SSBP2: variants seen among roughly 807,000 people sequenced by gnomAD.
SSBP2 encodes single stranded DNA binding protein 2.
A neutral mutation model predicts 61.8 loss-of-function variants in SSBP2; 17 were observed. The observed-to-expected ratio is 0.28, with a 90% CI of 0.19 to 0.41. The LOEUF is 0.41. Ranked by LOEUF, SSBP2 falls within the 10% of genes least tolerant of loss-of-function variation. The pLI is 1.00. For missense variants in SSBP2, 310 were observed against 458.7 expected (o/e 0.68, Z 2.96); for synonymous variants, 139 against 141.3 (o/e 0.98, Z 0.12).
At chr5:81,480,571 G>A (rs1180891233) in intron 6 of SSBP2, among the ~76,000 whole-genome samples, 1 of 152,112 alleles carries the variant, frequency 6.6e-6, no homozygotes, top group East Asian at 1.9e-4. Context: ...GGCTGGGATG[G>A]CTATGGCAAT....
At chr5:81,706,941 G>T (rs1440218082) in intron 1 of SSBP2, among the ~76,000 whole-genome samples, 1 of 152,148 alleles carries the variant, frequency 6.6e-6, no homozygotes, top group Non-Finnish European at 1.5e-5. Flanking sequence ...AGCCCCAAGA[G>T]AAGAGCTTAG....
At chr5:81,741,244 T>C (rs996363041) in intron 1 of SSBP2, among the ~76,000 whole-genome samples, 1 of 152,196 alleles carries the variant, frequency 6.6e-6, no homozygotes, top group South Asian at 2.1e-4. Context: ...AGACAAATAC[T>C]ATATGATCCC....
chr5:81,488,057 A>ATATATATATT, intron 6 of SSBP2, among the ~76,000 whole-genome samples: 1 of 63,238 alleles, frequency 1.6e-5, no homozygotes, highest in South Asian at 4.7e-4. Context: ...ATATATATAT[A>ATATATATATT]TAAATAAAAT....
intron 1 of SSBP2, among the ~76,000 whole-genome samples, chr5:81,749,748 C>T (rs753152595): frequency 6.6e-6 from 1 of 152,298 alleles, no homozygotes; most frequent in East Asian, 1.9e-4. Flanking sequence ...ATCACCGTTA[C>T]AAGTACACAA....
chr5:81,531,273 C>G (rs1309497612), intron 4 of SSBP2, among the ~76,000 whole-genome samples: 1 of 144,566 alleles, frequency 6.9e-6, no homozygotes, highest in African/African-American at 2.5e-5. Flanking sequence ...ATAATTTCAA[C>G]TGGAAGATTA....
In SSBP2 at chr5:81,597,068, A is replaced by ATT; in HGVS notation, c.282+18403_282+18404dup. 2.6e-5 allele frequency among the ~76,000 whole-genome samples: 4 copies of ATT among 152,104 alleles called. No homozygotes were observed. The South Asian group carries it at 8.3e-4, about 32-fold the overall frequency. ...TGTACAGGCAACCTGTTGGGAGAAAATTCAGGCAACCTGAATGGGAGAAAA... is the reference window on the plus strand; with the variant it reads ...TGTACAGGCAACCTGTTGGGAGAAAATTTTCAGGCAACCTGAATGGGAGAAAA... On this transcript the variant is annotated intron_variant, in intron 4 of 16. Coordinates refer to ENST00000320672, the MANE Select transcript of SSBP2 (RefSeq NM_012446.5).
chr5:81,622,758 G>A (rs1746729993), intron 3 of SSBP2, among the ~76,000 whole-genome samples: 1 of 152,134 alleles, frequency 6.6e-6, no homozygotes, highest in African/African-American at 2.4e-5. Context: ...AACCTTCAAA[G>A]ATTCATTTAG....
chr5:81,609,536 T>C (rs984924098), intron 4 of SSBP2, among the ~76,000 whole-genome samples: 2 of 152,182 alleles, frequency 1.3e-5, no homozygotes, highest in Admixed American at 6.5e-5. Context: ...GCACCTCCCA[T>C]AGCTTCAATC....
chr5:81,600,302 C>G (rs1744225162), intron 4 of SSBP2, among the ~76,000 whole-genome samples: 1 of 152,048 alleles, frequency 6.6e-6, no homozygotes, highest in African/African-American at 2.4e-5. Context: ...GTAGCTCACG[C>G]CTGTAATCCC....
In SSBP2 at chr5:81,501,212, AATATAT is replaced by A. The variant is rs1167504052; in HGVS notation, c.373-11909_373-11904del. ...GGTGACAGAGGGAGACTCCATCTCA[AATATAT>A]ATATATATATATATATATATATATA... On this transcript the variant is annotated intron_variant, in intron 5 of 16. Coordinates refer to ENST00000320672, the MANE Select transcript of SSBP2 (RefSeq NM_012446.5). Among the ~76,000 whole-genome samples the A allele has an allele frequency of 8.5e-3, 243 of 28,750 alleles. 4 individuals are homozygous for A. The highest frequency in any genetic ancestry group is 0.02 in the Admixed American group (33 of 1,616). The allele number at this position is 28,750 out of a possible 152,430, so 18.9% of individuals were successfully genotyped here. A position where few individuals can be genotyped will look rare whatever the true frequency, so the allele number is the denominator to read the frequency against.
At chr5:81,637,813 TTAC>T (rs1260890064) in intron 2 of SSBP2, among the ~76,000 whole-genome samples, 1 of 152,206 alleles carries the variant, frequency 6.6e-6, no homozygotes, top group Non-Finnish European at 1.5e-5. Context: ...CGTATGTTTA[TTAC>T]GGCGATATTC....
At chr5:81,679,157 CACCACCA>C (rs1752206917) in intron 1 of SSBP2, among the ~76,000 whole-genome samples, 1 of 152,170 alleles carries the variant, frequency 6.6e-6, no homozygotes, top group African/African-American at 2.4e-5. Context: ...TATAGGTACA[CACCACCA>C]CACCCAGCTA....
chr5:81,448,739 A>G (rs752825118), intron 11 of SSBP2, 51 bp downstream of exon 11: 1 of 1,563,650 alleles, frequency 6.4e-7, no homozygotes. Context: ...TCATTGCCCA[A>G]ATAAAATGTA....
intron 1 of SSBP2, among the ~76,000 whole-genome samples, chr5:81,691,882 T>G (rs1753228276): frequency 6.6e-6 from 1 of 152,136 alleles, no homozygotes; most frequent in Non-Finnish European, 1.5e-5. Flanking sequence ...TAAGATTTAT[T>G]TCAGGGGTGC....
chr5:81,604,988 A>G (rs1157340081), intron 4 of SSBP2, among the ~76,000 whole-genome samples: 1 of 152,126 alleles, frequency 6.6e-6, no homozygotes, highest in Non-Finnish European at 1.5e-5. Context: ...AACTCCCCAA[A>G]GATGTCAAAT....
At chr5:81,426,906 T>C (rs1761987493) in intron 16 of SSBP2, among the ~76,000 whole-genome samples, 1 of 152,244 alleles carries the variant, frequency 6.6e-6, no homozygotes, top group South Asian at 2.1e-4. Context: ...CTCTGACTTT[T>C]AAAATACATG....
At chr5:81,602,095 T>C (rs1281977774) in intron 4 of SSBP2, among the ~76,000 whole-genome samples, 4 of 152,122 alleles carry the variant, frequency 2.6e-5, no homozygotes, top group Non-Finnish European at 5.9e-5. Context: ...TTCTGGGCCC[T>C]GCTTGCTAGC....
At chr5:81,713,059 C>T (rs1454829880) in intron 1 of SSBP2, among the ~76,000 whole-genome samples, 1 of 151,830 alleles carries the variant, frequency 6.6e-6, no homozygotes, top group Admixed American at 6.6e-5. Flanking sequence ...CTTAAATTTG[C>T]AAGGATGAAG....
intron 6 of SSBP2, among the ~76,000 whole-genome samples, chr5:81,475,217 A>G (rs1477365620): frequency 6.6e-6 from 1 of 152,156 alleles, no homozygotes; most frequent in East Asian, 1.9e-4. Flanking sequence ...AAATGATTTA[A>G]ACCTACTGAT....
Sources: allele counts gnomAD v4.1 joint callset (sites outside exome capture counted in the v4.1 genomes callset), GRCh38; gene constraint gnomAD v4.1.1; transcripts MANE v1.5; gene names NCBI Gene and HGNC (gene_info 2026-07-23, HGNC 2026-07-21).